The following GMPR variants were observed in gnomAD, a reference collection of about 807,000 sequenced individuals.
GMPR encodes GMP reductase 1.
A neutral mutation model predicts 38.4 loss-of-function variants in GMPR; 31 were observed. That is an observed-to-expected ratio of 0.81 (90% CI 0.61 to 1.09). The LOEUF is 1.09. Ranked by LOEUF, GMPR falls within the 50% of genes least tolerant of loss-of-function variation. GMPR has a pLI of 0.00. For synonymous variants in GMPR, 162 were observed against 173.3 expected, an observed-to-expected ratio of 0.93 and a Z score of 0.51; for missense variants, 468 against 453.7, an observed-to-expected ratio of 1.03 and a Z score of -0.29.
intron 3 of GMPR, 35 bp downstream of exon 3, chr6:16,250,402 T>A: frequency 1.7e-6 from 2 of 1,184,662 alleles, no homozygotes; most frequent in Non-Finnish European, 2.5e-6. Flanking sequence ...TTACCAGTGC[T>A]GCAGGGGGGA....
rs751567043 is a variant in GMPR at position 16,278,855 on chromosome 6, G to A, written c.619G>A (p.Asp207Asn). The A allele has an allele frequency of 1.5e-5, 24 of 1,613,684 alleles. No homozygotes were observed. Among genetic ancestry groups the A allele is most frequent in the Admixed American group, 3.3e-5 (2 of 60,004 alleles). ...PQLSAVIECA[D>N]SAHGLKGHII... Reference sequence around the variant, plus strand: ...GCTGAGTGCCGTCATTGAGTGTGCCGACTCTGCCCATGGCCTGAAGGGCCA... The same window carrying A: ...GCTGAGTGCCGTCATTGAGTGTGCCAACTCTGCCCATGGCCTGAAGGGCCA... The change falls in exon 6 of 9, where the codon GAC becomes AAC. Residue 207 changes from aspartate to asparagine, a missense_variant. By Grantham distance (23) the Asp-to-Asn change is conservative. Coordinates refer to ENST00000259727, the MANE Select transcript of GMPR (RefSeq NM_006877.4).
chr6:16,259,807 C>G (rs1201732333), intron 4 of GMPR, among the ~76,000 whole-genome samples: 2 of 152,130 alleles, frequency 1.3e-5, no homozygotes, highest in South Asian at 4.1e-4. Flanking sequence ...CAGCATAGTC[C>G]TGTCAGCAAA....
chr6:16,271,948 C>T (rs558605941), intron 4 of GMPR, among the ~76,000 whole-genome samples: 2 of 152,310 alleles, frequency 1.3e-5, no homozygotes, highest in African/African-American at 4.8e-5. Context: ...CGGTGCCTCA[C>T]ACCTGTAATT....
intron 5 of GMPR, 107 bp downstream of exon 5, chr6:16,274,603 C>A: frequency 1.5e-6 from 1 of 688,442 alleles, no homozygotes; most frequent in Non-Finnish European, 2.6e-6. Context: ...GACTCATTCA[C>A]AGATATTTAA....
chr6:16,268,055 T>C (rs766094795), intron 4 of GMPR, among the ~76,000 whole-genome samples: 4 of 152,180 alleles, frequency 2.6e-5, no homozygotes, highest in Admixed American at 6.5e-5. Context: ...GTCTGGGGCC[T>C]CACCATTCAA....
chr6:16,277,846 G>C (rs1759502139), intron 5 of GMPR, among the ~76,000 whole-genome samples: 1 of 152,186 alleles, frequency 6.6e-6, no homozygotes, highest in East Asian at 1.9e-4. Context: ...TGTGTACAGA[G>C]TCCCTAAGGT....
intron 4 of GMPR, among the ~76,000 whole-genome samples, chr6:16,268,537 C>T (rs1291325402): frequency 6.6e-6 from 1 of 152,186 alleles, no homozygotes; most frequent in African/African-American, 2.4e-5. Context: ...GTCTCAGCCT[C>T]CCAAAGTGTT....
chr6:16,257,875 A>G (rs1759009875), intron 4 of GMPR: 1 of 152,212 alleles, frequency 6.6e-6, no homozygotes. Context: ...TCCTAATGCC[A>G]TTGGATTGAA....
rs550820347 is a variant in GMPR, at chr6:16,288,276, G to A, written c.698-2186G>A. Among the ~76,000 whole-genome samples the A allele has an allele frequency of 2.9e-3, 435 of 152,378 alleles. 2 individuals carry two copies. The highest frequency in any genetic ancestry group is 0.01 in the African/African-American group (416 of 41,584). On this transcript the variant is annotated intron_variant, in intron 7 of 8. Transcript: ENST00000259727. ...GGAGGGAGAGGCGCGAGTGGCAACC[G>A]AGGATGCGCGAGGCGCTTGCGGGCC...
intron 4 of GMPR, among the ~76,000 whole-genome samples, chr6:16,256,531 A>G (rs1758981512): frequency 6.9e-6 from 1 of 145,332 alleles, no homozygotes; most frequent in Non-Finnish European, 1.5e-5. Context: ...TCTGTCTCAA[A>G]AAAAAAAAAA....
At chr6:16,266,443 G>A (rs1759230309) in intron 4 of GMPR, among the ~76,000 whole-genome samples, 2 of 113,804 alleles carry the variant, frequency 1.8e-5, no homozygotes, top group African/African-American at 3.3e-5. Flanking sequence ...CACGTCGGAC[G>A]TGCCACCTTT....
intron 7 of GMPR, among the ~76,000 whole-genome samples, chr6:16,287,930 A>G (rs1350946146): frequency 6.6e-6 from 1 of 152,234 alleles, no homozygotes; most frequent in East Asian, 1.9e-4. Flanking sequence ...CATCAGGGCC[A>G]CTTTCAGGGG....
At position 16,271,758 on chromosome 6, in the gene GMPR, CA is replaced by C. The variant is rs1007525940; in HGVS notation, c.466-2649del. Among the ~76,000 whole-genome samples, 21 of 151,848 alleles carry C rather than the reference CA, an allele frequency of 1.4e-4. No homozygotes were observed. The South Asian group carries it at 2.5e-3, about 18-fold the overall frequency. On this transcript the variant is annotated intron_variant, in intron 4 of 8. Coordinates refer to ENST00000259727, the MANE Select transcript of GMPR (RefSeq NM_006877.4). Reference sequence around the variant, plus strand: ...AATCTAGAAAAGATTAAAGAAGAAACAAAAAAAAGTTTGATCATCTCTTCAC... The same window carrying C: ...AATCTAGAAAAGATTAAAGAAGAAACAAAAAAAGTTTGATCATCTCTTCAC...
chr6:16,275,870 C>A (rs879331226), intron 5 of GMPR, among the ~76,000 whole-genome samples: 23 of 152,132 alleles, frequency 1.5e-4, no homozygotes, highest in East Asian at 1.4e-3. Context: ...CCAGCCTGGG[C>A]AACATGGTGA....
chr6:16,259,414 T>C (rs1009555183), intron 4 of GMPR: 6 of 152,196 alleles, frequency 3.9e-5, no homozygotes, highest in Non-Finnish European at 8.8e-5. Flanking sequence ...TAGCTTGGGC[T>C]CAGAGGCCTG....
chr6:16,243,599 C>T (rs1285995587), intron 1 of GMPR, among the ~76,000 whole-genome samples: 2 of 152,140 alleles, frequency 1.3e-5, no homozygotes, highest in Admixed American at 1.3e-4. Context: ...AGCTAATGAG[C>T]GATCTATATA....
At position 16,289,070 on chromosome 6, in the gene GMPR, T is replaced by C. The variant is rs1306448257; in HGVS notation, c.698-1392T>C. On this transcript the variant is annotated intron_variant, in intron 7 of 8. Coordinates refer to ENST00000259727, the MANE Select transcript of GMPR (RefSeq NM_006877.4). ...TTCTGGCTCCTTTTCTTTGGGAGGGTGATTTGTTGTTTCGCTCTTTGCAAT... is the reference window on the plus strand; with the variant it reads ...TTCTGGCTCCTTTTCTTTGGGAGGGCGATTTGTTGTTTCGCTCTTTGCAAT... Among the ~76,000 whole-genome samples the C allele has an allele frequency of 2.6e-5, 4 of 151,848 alleles. No homozygotes were observed. In the South Asian group the frequency reaches 6.3e-4, roughly 24 times the overall value.
At chr6:16,252,645 TA>T (rs1211544215) in intron 3 of GMPR, among the ~76,000 whole-genome samples, 2 of 152,070 alleles carry the variant, frequency 1.3e-5, no homozygotes, top group African/African-American at 4.8e-5. Flanking sequence ...CGCCACCAAA[TA>T]AAAGGCGAAT....
intron 4 of GMPR, among the ~76,000 whole-genome samples, chr6:16,267,064 C>T (rs1009772993): frequency 2.0e-5 from 3 of 151,778 alleles, no homozygotes; most frequent in African/African-American, 7.3e-5. Flanking sequence ...GACGTGCCAC[C>T]TTTAAGAGCT....
Sources: gnomAD v4.1 joint callset for allele counts (sites outside exome capture counted in the v4.1 genomes callset) on GRCh38, gnomAD v4.1.1 for gene constraint, MANE v1.5 for transcripts, NCBI Gene and HGNC (gene_info 2026-07-23, HGNC 2026-07-21) for gene names.